Variants in NRG1 observed in about 807,000 individuals in gnomAD.
NRG1 encodes the protein pro-neuregulin-1, membrane-bound isoform.
Under a neutral mutation model 63.8 loss-of-function variants are expected in NRG1, and 18 were observed. The observed-to-expected ratio is 0.28, with a 90% CI of 0.19 to 0.42. The LOEUF is 0.42. Among genes scored for constraint, NRG1 ranks in the 10% least tolerant of loss-of-function variants. NRG1 has a pLI of 1.00. For missense variants in NRG1, 762 were observed against 814.7 expected (o/e 0.94, Z 0.79); for synonymous variants, 302 against 301.3 (o/e 1.00, Z -0.02).
At chr8:32,580,662 T>C (rs1335311295) in intron 1 of NRG1, among the ~76,000 whole-genome samples, 2 of 152,192 alleles carry the variant, frequency 1.3e-5, no homozygotes, top group African/African-American at 4.8e-5. Context: ...AGACTTGAAA[T>C]TGGGTTTGTC....
intron 1 of NRG1, among the ~76,000 whole-genome samples, chr8:32,217,126 C>T (rs1311444904): frequency 1.3e-5 from 2 of 149,134 alleles, no homozygotes; most frequent in African/African-American, 4.9e-5. Flanking sequence ...GGCAGGAGAA[C>T]CACTTGAACC....
At chr8:32,346,952 C>T (rs984632135) in intron 1 of NRG1, among the ~76,000 whole-genome samples, 2 of 151,878 alleles carry the variant, frequency 1.3e-5, no homozygotes, top group African/African-American at 2.4e-5. Flanking sequence ...GCCTCAGCCT[C>T]CCAAGCAGCT....
At chr8:32,629,419 C>T (rs74625405) in intron 5 of NRG1, among the ~76,000 whole-genome samples, 4,722 of 152,128 alleles carry the variant, frequency 0.031, 145 homozygotes, top group African/African-American at 0.081. Context: ...TATTACTATG[C>T]CAGTTCCCAG....
At chr8:32,330,616 G>C (rs539788914) in intron 1 of NRG1, among the ~76,000 whole-genome samples, 1 of 152,304 alleles carries the variant, frequency 6.6e-6, no homozygotes, top group South Asian at 2.1e-4. Flanking sequence ...AAGTCACTTT[G>C]TCCAGTCATT....
At chr8:32,435,945 A>T (rs1341990826) in intron 1 of NRG1, among the ~76,000 whole-genome samples, 1 of 152,164 alleles carries the variant, frequency 6.6e-6, no homozygotes, top group East Asian at 1.9e-4. Flanking sequence ...GATTCCTTTC[A>T]TAGGGTATAT....
chr8:32,415,840 G>A (rs367669446), intron 1 of NRG1, among the ~76,000 whole-genome samples: 1 of 152,074 alleles, frequency 6.6e-6, no homozygotes, highest in African/African-American at 2.4e-5. Flanking sequence ...TGAAAATCAT[G>A]GCTGGCCAAG....
intron 1 of NRG1, among the ~76,000 whole-genome samples, chr8:32,589,435 G>T (rs1842156705): frequency 6.6e-6 from 1 of 152,212 alleles, no homozygotes; most frequent in South Asian, 2.1e-4. Flanking sequence ...TGTCACTGTG[G>T]GATCTGCACA....
At chr8:32,260,099 C>T (rs189622166) in intron 1 of NRG1, among the ~76,000 whole-genome samples, 45 of 152,290 alleles carry the variant, frequency 3.0e-4, no homozygotes, top group Non-Finnish European at 5.6e-4. Context: ...TCATACACAC[C>T]TCCAAACCTG....
chr8:32,489,537 C>T (rs898476640), intron 1 of NRG1, among the ~76,000 whole-genome samples: 2 of 152,126 alleles, frequency 1.3e-5, no homozygotes, highest in African/African-American at 4.8e-5. Flanking sequence ...CTCATGTCTG[C>T]CTACCTACTG....
chr8:31,990,347 C>G (rs1810847489), intron 1 of NRG1, among the ~76,000 whole-genome samples: 1 of 151,990 alleles, frequency 6.6e-6, no homozygotes, highest in Non-Finnish European at 1.5e-5. Flanking sequence ...ACAGGATATG[C>G]TTTTGAAATT....
At chr8:31,790,317 A>T (rs764072117) in intron 1 of NRG1, among the ~76,000 whole-genome samples, 56 of 152,232 alleles carry the variant, frequency 3.7e-4, no homozygotes, top group Admixed American at 3.3e-3. Flanking sequence ...TATTGAAGTA[A>T]CAAGAAATTA....
At chr8:31,665,334 C>G (rs1268383892) in intron 1 of NRG1, among the ~76,000 whole-genome samples, 1 of 152,182 alleles carries the variant, frequency 6.6e-6, no homozygotes, top group Non-Finnish European at 1.5e-5. Flanking sequence ...GCCTTTATGA[C>G]CTTCTATACA....
chr8:32,366,434 G>A (rs949434917), intron 1 of NRG1, among the ~76,000 whole-genome samples: 1 of 151,786 alleles, frequency 6.6e-6, no homozygotes, highest in Non-Finnish European at 1.5e-5. Context: ...ATATATGAGT[G>A]AGAACATGCA....
intron 1 of NRG1, among the ~76,000 whole-genome samples, chr8:32,006,896 T>C (rs574323844): frequency 6.6e-6 from 1 of 152,102 alleles, no homozygotes; most frequent in East Asian, 1.9e-4. Flanking sequence ...AAATAATACA[T>C]GGGTGTTGTT....
At chr8:32,585,799 T>C (rs1174101450) in intron 1 of NRG1, among the ~76,000 whole-genome samples, 1 of 152,236 alleles carries the variant, frequency 6.6e-6, no homozygotes, top group African/African-American at 2.4e-5. Flanking sequence ...GCAGAAATAA[T>C]GTCATGTGGT....
At chr8:31,739,523 T>C (rs2131392323) in intron 1 of NRG1, among the ~76,000 whole-genome samples, 1 of 152,232 alleles carries the variant, frequency 6.6e-6, no homozygotes, top group African/African-American at 2.4e-5. Context: ...AGGCAAGCTT[T>C]ACCGACTTCT....
chr8:32,557,106 T>C (rs1322884594), intron 1 of NRG1, among the ~76,000 whole-genome samples: 1 of 152,052 alleles, frequency 6.6e-6, no homozygotes, highest in African/African-American at 2.4e-5. Context: ...ACTGGGTTCA[T>C]GCCATTCTCC....
chr8:31,765,351 G>C (rs1337886087), intron 1 of NRG1, among the ~76,000 whole-genome samples: 1 of 152,066 alleles, frequency 6.6e-6, no homozygotes, highest in Non-Finnish European at 1.5e-5. Context: ...GGACTGGCTA[G>C]AACTTCCAGT....
intron 1 of NRG1, among the ~76,000 whole-genome samples, chr8:31,829,446 ACATAGC>A (rs1245075058): frequency 6.6e-6 from 1 of 152,226 alleles, no homozygotes; most frequent in South Asian, 2.1e-4. Context: ...ACTGGACATT[ACATAGC>A]ATGCGGAATG....
Sources: allele counts gnomAD v4.1 joint callset (sites outside exome capture counted in the v4.1 genomes callset), GRCh38; gene constraint gnomAD v4.1.1; transcripts MANE v1.5; gene names NCBI Gene and HGNC (gene_info 2026-07-23, HGNC 2026-07-21).